The following NRXN1 variants were observed in gnomAD, a reference collection of about 807,000 sequenced individuals.
NRXN1 encodes neurexin-1.
A neutral mutation model predicts 150.9 loss-of-function variants in NRXN1; 39 were observed. The observed-to-expected ratio is 0.26, with a 90% confidence interval of 0.20 to 0.34. The LOEUF is 0.34. Ranked by LOEUF, NRXN1 falls within the 10% of genes least tolerant of loss-of-function variation. The pLI is 1.00. For missense variants in NRXN1, 1,815 were observed against 1,949.9 expected, an observed-to-expected ratio of 0.93 and a Z score of 1.30; for synonymous variants, 924 against 757.0, an observed-to-expected ratio of 1.22 and a Z score of -3.62.
At chr2:50,273,757 C>CA (rs367761816) in intron 17 of NRXN1, among the ~76,000 whole-genome samples, 2 of 151,804 alleles carry the variant, frequency 1.3e-5, no homozygotes, top group Non-Finnish European at 2.9e-5. Context: ...TTTATGCAGC[C>CA]AAAAAACATA....
At chr2:50,305,941 T>C (rs1373422657) in intron 17 of NRXN1, among the ~76,000 whole-genome samples, 2 of 152,212 alleles carry the variant, frequency 1.3e-5, no homozygotes, top group Non-Finnish European at 2.9e-5. Flanking sequence ...TAGCCCTACC[T>C]TATTTTTTCT....
chr2:49,978,417 T>C (rs931235026), intron 21 of NRXN1, among the ~76,000 whole-genome samples: 1 of 152,032 alleles, frequency 6.6e-6, no homozygotes, highest in Admixed American at 6.6e-5. Context: ...TCTCACGAAG[T>C]GTCTCTATCC....
intron 5 of NRXN1, among the ~76,000 whole-genome samples, chr2:50,653,648 AATG>A (rs1360530727): frequency 6.6e-6 from 1 of 152,090 alleles, no homozygotes; most frequent in East Asian, 1.9e-4. Flanking sequence ...ACACACAAAT[AATG>A]AACAGAAGTT....
At chr2:50,668,064 C>T (rs1688323579) in intron 5 of NRXN1, among the ~76,000 whole-genome samples, 1 of 151,976 alleles carries the variant, frequency 6.6e-6, no homozygotes, top group Non-Finnish European at 1.5e-5. Flanking sequence ...ACAATGGGAG[C>T]TGTAAAGTAT....
At chr2:49,928,957 C>T (rs768277134) in intron 22 of NRXN1, among the ~76,000 whole-genome samples, 10 of 152,142 alleles carry the variant, frequency 6.6e-5, no homozygotes, top group Non-Finnish European at 1.5e-4. Flanking sequence ...TTCCCCAATA[C>T]ATCGGAGATT....
intron 5 of NRXN1, among the ~76,000 whole-genome samples, chr2:50,914,746 A>G (rs907049318): frequency 6.6e-6 from 1 of 151,676 alleles, no homozygotes; most frequent in African/African-American, 2.4e-5. Context: ...TGGAGCAAAA[A>G]GGAAAAAGAA....
chr2:50,223,342 C>G (rs2064061608), intron 18 of NRXN1, among the ~76,000 whole-genome samples: 1 of 151,876 alleles, frequency 6.6e-6, no homozygotes, highest in South Asian at 2.1e-4. Flanking sequence ...CAGAAACATC[C>G]CCAGCCACTG....
intron 19 of NRXN1, among the ~76,000 whole-genome samples, chr2:50,091,051 T>C (rs1181195673): frequency 3.3e-5 from 5 of 152,248 alleles, no homozygotes; most frequent in Non-Finnish European, 7.3e-5. Context: ...TTTGATATGT[T>C]GTGCTTTTTA....
At chr2:50,945,050 G>C (rs1690114497) in intron 2 of NRXN1, among the ~76,000 whole-genome samples, 1 of 152,202 alleles carries the variant, frequency 6.6e-6, no homozygotes, top group Non-Finnish European at 1.5e-5. Flanking sequence ...CCATGATCTA[G>C]ATGAGGGGTT....
chr2:50,382,189 C>T (rs754367901), intron 17 of NRXN1, among the ~76,000 whole-genome samples: 7 of 152,156 alleles, frequency 4.6e-5, no homozygotes, highest in Admixed American at 1.3e-4. Flanking sequence ...ATCCTTATCA[C>T]TAGCATACAA....
At chr2:50,187,553 G>C (rs1379666578) in intron 18 of NRXN1, among the ~76,000 whole-genome samples, 1 of 151,986 alleles carries the variant, frequency 6.6e-6, no homozygotes, top group Non-Finnish European at 1.5e-5. Context: ...TTTTGTTTAG[G>C]GTTGTCTTGG....
At chr2:50,637,798 G>C (rs1683452508) in intron 5 of NRXN1, among the ~76,000 whole-genome samples, 1 of 152,030 alleles carries the variant, frequency 6.6e-6, no homozygotes, top group South Asian at 2.1e-4. Flanking sequence ...ACATGCCAGA[G>C]AATGGCTGTG....
chr2:50,813,120 G>GGTC (rs1668457252), intron 5 of NRXN1, among the ~76,000 whole-genome samples: 2 of 151,874 alleles, frequency 1.3e-5, no homozygotes, highest in Non-Finnish European at 2.9e-5. Context: ...CTTGAGCCTG[G>GGTC]GGGACTGAAG....
At chr2:50,503,864 G>C (rs2092083468) in intron 13 of NRXN1, among the ~76,000 whole-genome samples, 2 of 152,070 alleles carry the variant, frequency 1.3e-5, no homozygotes, top group Non-Finnish European at 2.9e-5. Flanking sequence ...ACAACATGTT[G>C]ACCAAGTGGT....
intron 5 of NRXN1, among the ~76,000 whole-genome samples, chr2:50,656,832 C>T (rs1279048534): frequency 6.6e-6 from 1 of 151,814 alleles, no homozygotes; most frequent in Non-Finnish European, 1.5e-5. Context: ...ATTAGAGATG[C>T]TATCATTGAA....
chr2:50,571,867 A>G (rs939671914), intron 8 of NRXN1, among the ~76,000 whole-genome samples: 2 of 152,160 alleles, frequency 1.3e-5, no homozygotes, highest in African/African-American at 4.8e-5. Flanking sequence ...TTCCTCCCCA[A>G]CAGAGCTGAA....
intron 17 of NRXN1, among the ~76,000 whole-genome samples, chr2:50,419,461 G>A (rs1348851141): frequency 6.6e-6 from 1 of 151,914 alleles, no homozygotes; most frequent in Non-Finnish European, 1.5e-5. Context: ...TGCTAATAAT[G>A]CAAATGCCAT....
chr2:49,919,754 T>C lies in NRXN1; in HGVS notation c.*2190A>G, dbSNP rs1358782840. On this transcript the variant is annotated 3_prime_UTR_variant, in exon 23 of 23. Transcript: ENST00000401669. ...TAAATTTTCATTTTATACCTTCTAC[T>C]TTCTGGGTCATAAAAAGCCACTAAA... The C allele has an allele frequency of 1.3e-5, 2 of 152,146 alleles. No individual in the cohort carries two copies. Among genetic ancestry groups the C allele is most frequent in the Non-Finnish European group, 2.9e-5 (2 of 67,968 alleles). The allele number at this position is 152,146 out of a possible 1,614,324, so 9.4% of individuals were successfully genotyped here.
intron 2 of NRXN1, among the ~76,000 whole-genome samples, chr2:50,990,554 G>C (rs1236699736): frequency 6.6e-6 from 1 of 152,000 alleles, no homozygotes; most frequent in Non-Finnish European, 1.5e-5. Context: ...AGAGTACAGA[G>C]GGGAACCTTA....
Sources: gnomAD v4.1 joint callset for allele counts (sites outside exome capture counted in the v4.1 genomes callset) on GRCh38, gnomAD v4.1.1 for gene constraint, MANE v1.5 for transcripts, NCBI Gene and HGNC (gene_info 2026-07-23, HGNC 2026-07-21) for gene names.